TRERF1: variants seen among roughly 807,000 people sequenced by gnomAD.
The protein encoded by TRERF1 is transcriptional regulating factor 1.
In TRERF1, 27 loss-of-function variants were observed where a neutral mutation model predicts 122.9. That is an observed-to-expected ratio of 0.22 (90% CI 0.16 to 0.30). The LOEUF is 0.30. Among genes scored for constraint, TRERF1 ranks in the 10% least tolerant of loss-of-function variants. The pLI is 1.00. For missense variants in TRERF1, 1,248 were observed against 1,560.3 expected (o/e 0.80, Z 3.37); for synonymous variants, 636 against 641.7 (o/e 0.99, Z 0.13).
intron 4 of TRERF1, among the ~76,000 whole-genome samples, chr6:42,281,719 G>A (rs930501132): frequency 6.6e-6 from 1 of 152,154 alleles, no homozygotes; most frequent in African/African-American, 2.4e-5. Flanking sequence ...TCACAGAGGG[G>A]TGGCTGTAGG....
chr6:42,407,480 C>T (rs745871577), intron 2 of TRERF1, among the ~76,000 whole-genome samples: 1 of 152,056 alleles, frequency 6.6e-6, no homozygotes, highest in Non-Finnish European at 1.5e-5. Context: ...TCCATAAAAC[C>T]GGCTCGACAA....
chr6:42,261,889 A>G (rs2149805865), intron 8 of TRERF1, among the ~76,000 whole-genome samples: 1 of 152,118 alleles, frequency 6.6e-6, no homozygotes, highest in East Asian at 1.9e-4. Context: ...CCCAGTCCAT[A>G]ATGACTTTGG....
intron 8 of TRERF1, among the ~76,000 whole-genome samples, chr6:42,262,328 C>G (rs73424331): frequency 6.6e-6 from 1 of 151,812 alleles, no homozygotes; most frequent in African/African-American, 2.4e-5. Context: ...TCCTGGATTC[C>G]CAGCAGCTAC....
chr6:42,307,635 C>A (rs1266451238), intron 3 of TRERF1, among the ~76,000 whole-genome samples: 1 of 148,102 alleles, frequency 6.8e-6, no homozygotes, highest in African/African-American at 2.5e-5. Context: ...AAGTCAATGG[C>A]AAACTGTTCC....
chr6:42,399,818 C>T (rs995985530), intron 2 of TRERF1, among the ~76,000 whole-genome samples: 2 of 152,106 alleles, frequency 1.3e-5, no homozygotes, highest in African/African-American at 4.8e-5. Flanking sequence ...GGAACAGAGG[C>T]CAGCTTCTCT....
At chr6:42,319,148 A>G (rs1762977064) in intron 3 of TRERF1, among the ~76,000 whole-genome samples, 1 of 119,362 alleles carries the variant, frequency 8.4e-6, no homozygotes, top group Admixed American at 8.8e-5. Flanking sequence ...GACTTTTTAG[A>G]CATTTTTTTT....
Position 42,268,318 on chromosome 6 carries a change from C to T in TRERF1, c.1273G>A (p.Asp425Asn). Residue 425 changes from aspartate to asparagine, a missense_variant, in exon 5 of 18, where the codon GAC becomes AAC. Around this residue, in one of 5 missense-constraint regions of TRERF1, gnomAD observed 946 missense variants for 1,073.0 expected, o/e 0.88. Transcript: ENST00000372922. The surrounding 1 kb of genome is among the most constrained non-coding windows in gnomAD (Gnocchi z 4.4). ...ATTCCTGTGTCAGGAGGCCCCAGGT[C>T]CCCATGGGAGCTCAGCATGGCCTGG... 1.3e-6 allele frequency: 2 copies of T among 1,516,082 alleles called. No individual in the cohort carries two copies. The highest frequency in any genetic ancestry group is 1.8e-6 in the Non-Finnish European group (2 of 1,133,398). The allele number at this position is 1,516,082 out of a possible 1,614,324, so 93.9% of individuals were successfully genotyped here.
chr6:42,246,598 G>A, intron 13 of TRERF1, 54 bp from the exon 14 acceptor site: 2 of 1,319,960 alleles, frequency 1.5e-6, no homozygotes, highest in Non-Finnish European at 2.1e-6. Context: ...CCTGCTTTTA[G>A]TTGCTGGTTC....
At chr6:42,229,714 C>T (rs914930609) in intron 17 of TRERF1, among the ~76,000 whole-genome samples, 1 of 152,270 alleles carries the variant, frequency 6.6e-6, no homozygotes, top group Middle Eastern at 3.4e-3. Flanking sequence ...GAGGACACTC[C>T]CTCTTCGCCA....
chr6:42,425,014 C>A (rs983169290), intron 2 of TRERF1, among the ~76,000 whole-genome samples: 1 of 152,080 alleles, frequency 6.6e-6, no homozygotes, highest in Non-Finnish European at 1.5e-5. Context: ...CAAGTTCTGA[C>A]CTGATTTTAT....
intron 16 of TRERF1, among the ~76,000 whole-genome samples, chr6:42,233,634 T>G (rs1562106125): frequency 6.6e-6 from 1 of 151,996 alleles, no homozygotes; most frequent in African/African-American, 2.4e-5. Context: ...CTCCCATTTT[T>G]CTTCCTTCCT....
At chr6:42,227,382 T>C (rs1769697789) in exon 18 of TRERF1, 1 of 152,210 alleles carries the variant, frequency 6.6e-6, no homozygotes, top group African/African-American at 2.4e-5. Flanking sequence ...ACAAAGTAAT[T>C]TCAGAACTCC....
chr6:42,434,254 A>G (rs12201447), intron 2 of TRERF1, among the ~76,000 whole-genome samples: 15,244 of 152,104 alleles, frequency 0.1, 960 homozygotes, highest in African/African-American at 0.17. Context: ...CAAAATTGGA[A>G]GACAATGCTT....
chr6:42,373,118 G>A (rs925954438), intron 2 of TRERF1, among the ~76,000 whole-genome samples: 1 of 152,234 alleles, frequency 6.6e-6, no homozygotes, highest in African/African-American at 2.4e-5. Flanking sequence ...TGTTATTCTT[G>A]CTACAGTCAA....
chr6:42,408,225 A>ATGTGTGTGTGTG (rs1251199122), intron 2 of TRERF1, among the ~76,000 whole-genome samples: 2 of 129,210 alleles, frequency 1.5e-5, no homozygotes, highest in African/African-American at 3.3e-5. Context: ...ATATATATAT[A>ATGTGTGTGTGTG]TATGTGTGTG....
intron 2 of TRERF1, among the ~76,000 whole-genome samples, chr6:42,372,918 C>T (rs1774038011): frequency 6.6e-6 from 1 of 152,120 alleles, no homozygotes; most frequent in Non-Finnish European, 1.5e-5. Flanking sequence ...TCGGGAGTCA[C>T]GTCAGAATTG....
chr6:42,283,575 CA>C (rs144465763), intron 4 of TRERF1, among the ~76,000 whole-genome samples: 1 of 131,996 alleles, frequency 7.6e-6, no homozygotes, highest in Non-Finnish European at 1.6e-5. Context: ...ACATTACTTA[CA>C]AAAAAAACCC....
chr6:42,444,086 T>C (rs1787030534), intron 2 of TRERF1, among the ~76,000 whole-genome samples: 1 of 150,544 alleles, frequency 6.6e-6, no homozygotes, highest in African/African-American at 2.4e-5. Flanking sequence ...TCCACCCACC[T>C]CCCATGCAGA....
Position 42,268,814 on chromosome 6 carries a change from C to G in TRERF1, c.777G>C (p.Gln259His). Residue 259 changes from glutamine to histidine, a missense_variant, in exon 5 of 18, where the codon CAG becomes CAC. Gln to His is a conservative substitution (Grantham distance 24). Transcript: ENST00000372922. This position sits in a 1 kb window ranked among gnomAD's most constrained non-coding sequence, Gnocchi z 4.4. Reference sequence around the variant, plus strand: ...GGTGCTGCTGCATCTGTTGCATGTGCTGTGACAGCATCTGTGGGGCCTGCA... The same window carrying G: ...GGTGCTGCTGCATCTGTTGCATGTGGTGTGACAGCATCTGTGGGGCCTGCA... 1 of 1,614,170 alleles carries G rather than the reference C, an allele frequency of 6.2e-7. No individual in the cohort carries two copies. The highest frequency in any genetic ancestry group is 8.5e-7 in the Non-Finnish European group (1 of 1,180,030).
Sources: gnomAD v4.1 joint callset for allele counts (sites outside exome capture counted in the v4.1 genomes callset) on GRCh38, gnomAD v4.1.1 for gene constraint, gnomAD v4.1.1 regional missense constraint, Gnocchi (gnomAD v3.1) non-coding constraint, MANE v1.5 for transcripts, NCBI Gene and HGNC (gene_info 2026-07-23, HGNC 2026-07-21) for gene names.